The following PAPPA2 variants were observed in gnomAD, a reference collection of about 807,000 sequenced individuals.
PAPPA2 encodes the protein pappalysin 2, also known as pappalysin-2.
PAPPA2 carries 86 observed loss-of-function variants against 176.4 expected under a neutral mutation model. The ratio of observed to expected loss-of-function variants is 0.49; its 90% CI spans 0.41 to 0.58. PAPPA2 has a LOEUF of 0.58. PAPPA2 is among the 20% of genes least tolerant of loss of function. The pLI is 0.00. For missense variants in PAPPA2, 2,073 were observed against 2,256.9 expected (o/e 0.92, Z 1.65); for synonymous variants, 809 against 852.2 (o/e 0.95, Z 0.88).
chr1:176,534,265 C>T (rs1399033440), intron 1 of PAPPA2, among the ~76,000 whole-genome samples: 4 of 152,158 alleles, frequency 2.6e-5, no homozygotes, highest in Admixed American at 2.6e-4. Context: ...TTCCCATTAG[C>T]TCCCTGCCTG....
chr1:176,829,060 A>G (rs908092484), intron 21 of PAPPA2, among the ~76,000 whole-genome samples: 2 of 152,176 alleles, frequency 1.3e-5, no homozygotes, highest in African/African-American at 4.8e-5. Context: ...CAAAAACTCA[A>G]AGAAACGTAG....
At chr1:176,714,057 T>C (rs978978260) in intron 12 of PAPPA2, among the ~76,000 whole-genome samples, 1 of 152,086 alleles carries the variant, frequency 6.6e-6, no homozygotes, top group Non-Finnish European at 1.5e-5. Flanking sequence ...CCGGGGCAGA[T>C]AGCACACCAC....
chr1:176,824,112 C>T (rs147567554), intron 21 of PAPPA2, among the ~76,000 whole-genome samples: 249 of 152,222 alleles, frequency 1.6e-3, no homozygotes, highest in African/African-American at 5.7e-3. Context: ...ATGACAGTAC[C>T]GTGGGCTTGC....
At chr1:176,828,029 C>T (rs1666924205) in intron 21 of PAPPA2, among the ~76,000 whole-genome samples, 1 of 151,924 alleles carries the variant, frequency 6.6e-6, no homozygotes, top group African/African-American at 2.4e-5. Context: ...ACCAGGTGTA[C>T]AGTACCAAGC....
intron 1 of PAPPA2, among the ~76,000 whole-genome samples, chr1:176,470,762 A>G (rs1358639001): frequency 6.6e-6 from 1 of 152,196 alleles, no homozygotes; most frequent in Non-Finnish European, 1.5e-5. Context: ...CAATTCCAAG[A>G]ATACTTTGTG....
chr1:176,537,120 T>C (rs1004251079), intron 1 of PAPPA2, among the ~76,000 whole-genome samples: 2 of 152,212 alleles, frequency 1.3e-5, no homozygotes, highest in Non-Finnish European at 2.9e-5. Flanking sequence ...TTCCTAGAGA[T>C]TTGTTTTCTA....
At chr1:176,697,475 C>T (rs954571549) in intron 7 of PAPPA2, among the ~76,000 whole-genome samples, 1 of 152,020 alleles carries the variant, frequency 6.6e-6, no homozygotes, top group African/African-American at 2.4e-5. Context: ...GGTGAAGAAC[C>T]AGGTCATATT....
chr1:176,614,050 T>C (rs995495350), intron 3 of PAPPA2, among the ~76,000 whole-genome samples: 3 of 152,194 alleles, frequency 2.0e-5, no homozygotes, highest in Non-Finnish European at 4.4e-5. Flanking sequence ...ACTCCAATGA[T>C]GAGTGGGCTG....
intron 21 of PAPPA2, among the ~76,000 whole-genome samples, chr1:176,832,396 A>G (rs12129141): frequency 0.097 from 14,677 of 152,068 alleles, 845 homozygotes; most frequent in African/African-American, 0.15. Context: ...TCTCACTCTC[A>G]CCCAGGAGGA....
intron 2 of PAPPA2, among the ~76,000 whole-genome samples, chr1:176,577,889 C>A (rs1251060822): frequency 6.6e-6 from 1 of 152,090 alleles, no homozygotes; most frequent in East Asian, 1.9e-4. Context: ...CACCACACAG[C>A]ATGTTTTTTT....
At chr1:176,487,731 T>C (rs1286144813) in intron 1 of PAPPA2, among the ~76,000 whole-genome samples, 1 of 152,070 alleles carries the variant, frequency 6.6e-6, no homozygotes, top group Non-Finnish European at 1.5e-5. Flanking sequence ...CAAAGACAAA[T>C]AAAATGTGAT....
intron 19 of PAPPA2, among the ~76,000 whole-genome samples, chr1:176,791,780 C>G (rs985382396): frequency 6.6e-6 from 1 of 152,130 alleles, no homozygotes. Context: ...TCTCAAACTC[C>G]TGACCTCAGG....
At position 176,783,231 on chromosome 1, in the gene PAPPA2, G is replaced by A. The variant is rs77107094; in HGVS notation, c.4716-6578G>A. ...AATAGTTAGCACTTAAGTGCTCTATGTGTTATTGTTTTTCTGTTGTTGTTA... is the reference window on the plus strand; with the variant it reads ...AATAGTTAGCACTTAAGTGCTCTATATGTTATTGTTTTTCTGTTGTTGTTA... On this transcript the variant is annotated intron_variant, in intron 17 of 22. Transcript: ENST00000367662. Among the ~76,000 whole-genome samples, 997 of 152,272 alleles carry A rather than the reference G, an allele frequency of 6.5e-3. 5 individuals are homozygous for A. Among genetic ancestry groups the A allele is most frequent in the African/African-American group, 0.023 (957 of 41,548 alleles).
chr1:176,573,469 A>C (rs1210410311), intron 2 of PAPPA2, among the ~76,000 whole-genome samples: 1 of 152,128 alleles, frequency 6.6e-6, no homozygotes, highest in Non-Finnish European at 1.5e-5. Flanking sequence ...CCAGCAGAGA[A>C]TATAGAATGC....
chr1:176,833,819 T>TGTAG (rs770911613), intron 21 of PAPPA2, among the ~76,000 whole-genome samples: 5 of 151,460 alleles, frequency 3.3e-5, no homozygotes, highest in African/African-American at 4.9e-5. Context: ...TACATATATA[T>TGTAG]GTGTATATAT....
At chr1:176,466,195 G>A (rs932973228) in intron 1 of PAPPA2, among the ~76,000 whole-genome samples, 1 of 152,002 alleles carries the variant, frequency 6.6e-6, no homozygotes, top group African/African-American at 2.4e-5. Flanking sequence ...TCCTATATGG[G>A]AATGAATTAT....
At chr1:176,591,281 T>A (rs1313274258) in intron 2 of PAPPA2, among the ~76,000 whole-genome samples, 1 of 152,176 alleles carries the variant, frequency 6.6e-6, no homozygotes, top group Admixed American at 6.5e-5. Context: ...TGGCACTCTC[T>A]AGCCTTCCCA....
At chr1:176,730,691 G>T in intron 12 of PAPPA2, among the ~76,000 whole-genome samples, 1 of 150,504 alleles carries the variant, frequency 6.6e-6, no homozygotes, top group South Asian at 2.1e-4. Flanking sequence ...TCTTTTTCTA[G>T]GTTTTGGTGT....
intron 3 of PAPPA2, among the ~76,000 whole-genome samples, chr1:176,615,661 A>G (rs1178452586): frequency 6.6e-6 from 1 of 152,172 alleles, no homozygotes; most frequent in Non-Finnish European, 1.5e-5. Context: ...AGTGAGATTT[A>G]TAGAAACACA....
Sources: gnomAD v4.1 joint callset for allele counts (sites outside exome capture counted in the v4.1 genomes callset) on GRCh38, gnomAD v4.1.1 for gene constraint, MANE v1.5 for transcripts, NCBI Gene and HGNC (gene_info 2026-07-23, HGNC 2026-07-21) for gene names.